Variants in PCDH7 observed in about 807,000 individuals in gnomAD.
The protein encoded by PCDH7 is protocadherin-7.
A neutral mutation model predicts 58.9 loss-of-function variants in PCDH7; 17 were observed. That is an observed-to-expected ratio of 0.29 (90% confidence interval 0.20 to 0.43). The LOEUF (loss-of-function observed/expected upper bound fraction) is 0.43. Among genes scored for constraint, PCDH7 ranks in the 20% least tolerant of loss-of-function variants. The probability of loss-of-function intolerance (pLI) is 1.00; values close to 1 mark genes in which losing one functional copy is unlikely to be tolerated. For missense variants in PCDH7, 1,274 were observed against 1,441.0 expected, an observed-to-expected ratio of 0.88 and a Z score of 1.88; for synonymous variants, 664 against 616.4, an observed-to-expected ratio of 1.08 and a Z score of -1.14.
chr4:30,953,339 A>G (rs1207914783), intron 3 of PCDH7, among the ~76,000 whole-genome samples: 6 of 152,162 alleles, frequency 3.9e-5, no homozygotes, highest in African/African-American at 1.4e-4. Context: ...CATAATGTCT[A>G]GATATCTAAT....
chr4:30,917,179 CCTCT>C (rs919220165), intron 1 of PCDH7, among the ~76,000 whole-genome samples: 46 of 152,100 alleles, frequency 3.0e-4, no homozygotes, highest in African/African-American at 1.1e-3. Context: ...CAATTGTCTG[CCTCT>C]CTCTCTTGCT....
At chr4:31,087,419 G>C (rs190014465) in intron 3 of PCDH7, among the ~76,000 whole-genome samples, 7 of 152,150 alleles carry the variant, frequency 4.6e-5, no homozygotes, top group African/African-American at 1.4e-4. Flanking sequence ...AATGCTATGC[G>C]TTTATATTTG....
intron 1 of PCDH7, among the ~76,000 whole-genome samples, chr4:30,845,130 C>T (rs1232899255): frequency 5.3e-5 from 8 of 152,048 alleles, no homozygotes; most frequent in Non-Finnish European, 1.2e-4. Context: ...GTGAATTATG[C>T]GGTGCTCTAA....
At chr4:30,933,077 AGT>A (rs1560513137) in intron 2 of PCDH7, among the ~76,000 whole-genome samples, 1 of 150,650 alleles carries the variant, frequency 6.6e-6, no homozygotes, top group Non-Finnish European at 1.5e-5. Context: ...GCCAGGCTGG[AGT>A]GCAGTGGCCT....
At chr4:30,758,809 TAATA>T (rs2109266341) in intron 1 of PCDH7, among the ~76,000 whole-genome samples, 1 of 152,326 alleles carries the variant, frequency 6.6e-6, no homozygotes, top group South Asian at 2.1e-4. Context: ...GTATTTCATA[TAATA>T]AATTATTGAT....
chr4:30,968,351 T>TATAC (rs1560541407), intron 3 of PCDH7, among the ~76,000 whole-genome samples: 30 of 74,018 alleles, frequency 4.1e-4, no homozygotes, highest in African/African-American at 9.4e-4. Context: ...TATATATATA[T>TATAC]ACACACACTA....
chr4:30,800,119 A>G (rs1725343002), intron 1 of PCDH7, among the ~76,000 whole-genome samples: 1 of 151,946 alleles, frequency 6.6e-6, no homozygotes, highest in Non-Finnish European at 1.5e-5. Context: ...TGGCCTCCCA[A>G]AGTGCTGGGA....
chr4:30,995,467 G>C (rs752492162), intron 3 of PCDH7, among the ~76,000 whole-genome samples: 2 of 151,808 alleles, frequency 1.3e-5, no homozygotes, highest in Admixed American at 6.6e-5. Flanking sequence ...AGTCGAGATC[G>C]TGCCACTGCA....
intron 1 of PCDH7, among the ~76,000 whole-genome samples, chr4:30,908,470 G>C (rs542331349): frequency 5.3e-5 from 8 of 152,124 alleles, no homozygotes; most frequent in Non-Finnish European, 1.0e-4. Flanking sequence ...GGAATGAGGA[G>C]TTTACAGTAT....
intron 3 of PCDH7, among the ~76,000 whole-genome samples, chr4:31,107,788 A>G (rs1715769771): frequency 1.3e-5 from 2 of 152,108 alleles, no homozygotes; most frequent in Admixed American, 1.3e-4. Flanking sequence ...CTAGACTTTC[A>G]TTTTTTCTAT....
chr4:30,912,288 G>A (rs1270424004), intron 1 of PCDH7, among the ~76,000 whole-genome samples: 2 of 152,156 alleles, frequency 1.3e-5, no homozygotes, highest in Admixed American at 6.5e-5. Context: ...TCCTAAATAT[G>A]TTTGTTCAAT....
At chr4:30,764,565 T>C (rs1720446996) in intron 1 of PCDH7, among the ~76,000 whole-genome samples, 1 of 152,178 alleles carries the variant, frequency 6.6e-6, no homozygotes, top group Admixed American at 6.5e-5. Context: ...TTATATGACA[T>C]TGAAAGAAAC....
At chr4:31,123,065 T>C (rs1280680272) in intron 3 of PCDH7, among the ~76,000 whole-genome samples, 2 of 152,062 alleles carry the variant, frequency 1.3e-5, no homozygotes, top group Non-Finnish European at 2.9e-5. Flanking sequence ...TATTTGTTAA[T>C]TTTAATACTT....
chr4:30,814,442 TC>T (rs1427083613), intron 1 of PCDH7, among the ~76,000 whole-genome samples: 10 of 152,262 alleles, frequency 6.6e-5, no homozygotes, highest in African/African-American at 2.4e-4. Flanking sequence ...ATTTTACTCT[TC>T]AGTGAATTTT....
chr4:31,071,934 G>T (rs1329011962), intron 3 of PCDH7, among the ~76,000 whole-genome samples: 1 of 151,948 alleles, frequency 6.6e-6, no homozygotes, highest in Non-Finnish European at 1.5e-5. Flanking sequence ...TTTTATATTA[G>T]CTCGTATAAA....
intron 3 of PCDH7, among the ~76,000 whole-genome samples, chr4:31,023,288 T>G (rs1350925598): frequency 6.6e-6 from 1 of 152,220 alleles, no homozygotes; most frequent in African/African-American, 2.4e-5. Context: ...TTTAAAGAGG[T>G]CTGGAGGTTG....
At chr4:30,756,170 T>G (rs1410607347) in intron 1 of PCDH7, among the ~76,000 whole-genome samples, 3 of 151,920 alleles carry the variant, frequency 2.0e-5, no homozygotes, top group Non-Finnish European at 4.4e-5. Flanking sequence ...TAAGAAAGCT[T>G]TATAACAACC....
chr4:30,787,269 GA>G (rs1198378213), intron 1 of PCDH7, among the ~76,000 whole-genome samples: 1 of 151,990 alleles, frequency 6.6e-6, no homozygotes, highest in Non-Finnish European at 1.5e-5. Context: ...GCATTATATA[GA>G]AATCACCTGA....
intron 1 of PCDH7, among the ~76,000 whole-genome samples, chr4:30,820,002 C>A (rs1029245343): frequency 1.3e-5 from 2 of 151,934 alleles, no homozygotes; most frequent in Non-Finnish European, 2.9e-5. Flanking sequence ...AAGTCATTGA[C>A]CAGAACAATT....
Sources: allele counts gnomAD v4.1 joint callset (sites outside exome capture counted in the v4.1 genomes callset), GRCh38; gene constraint gnomAD v4.1.1; transcripts MANE v1.5; gene names NCBI Gene and HGNC (gene_info 2026-07-23, HGNC 2026-07-21).